The following TMTC1 variants were observed in gnomAD, a reference collection of about 807,000 sequenced individuals.
TMTC1 encodes transmembrane O-mannosyltransferase targeting cadherins 1.
In TMTC1, 73 loss-of-function variants were observed where a neutral mutation model predicts 104.8. The ratio of observed to expected loss-of-function variants is 0.70; its 90% CI spans 0.58 to 0.85. The LOEUF (loss-of-function observed/expected upper bound fraction) is 0.85, where lower values mean the gene tolerates loss of function less well. TMTC1 is among the 40% of genes least tolerant of loss of function. The pLI is 0.00. For synonymous variants in TMTC1, 434 were observed against 428.7 expected, an observed-to-expected ratio of 1.01 and a Z score of -0.15; for missense variants, 1,035 against 1,096.1, an observed-to-expected ratio of 0.94 and a Z score of 0.79.
chr12:29,746,778 GA>G (rs957261861), intron 5 of TMTC1, among the ~76,000 whole-genome samples: 1 of 152,068 alleles, frequency 6.6e-6, no homozygotes, highest in African/African-American at 2.4e-5. Context: ...GTATTTACAG[GA>G]AAAAACTTTT....
intron 7 of TMTC1, among the ~76,000 whole-genome samples, chr12:29,586,646 G>C (rs548706593): frequency 2.8e-3 from 429 of 151,234 alleles, no homozygotes; most frequent in Middle Eastern, 0.01. Context: ...TAGCATGAAG[G>C]GTTGTTGAAT....
rs148915671 is a variant in TMTC1 at position 29,515,075 on chromosome 12, A to C, written c.2308-471T>G. The stretch of plus-strand genomic sequence containing the variant: ...TCACTGGGAATTAGTGGCCCTGACA[A>C]AATAACTTTCTTACACTCCAGTTTT... On this transcript the variant is annotated intron_variant, in intron 15 of 17. Coordinates refer to ENST00000539277, the MANE Select transcript of TMTC1 (RefSeq NM_001193451.2). 2.5e-3 allele frequency among the ~76,000 whole-genome samples: 384 copies of C among 152,252 alleles called. 3 individuals carry two copies. Among genetic ancestry groups the C allele is most frequent in the African/African-American group, 8.9e-3 (368 of 41,536 alleles).
At chr12:29,580,556 CA>C (rs1359286990) in intron 8 of TMTC1, among the ~76,000 whole-genome samples, 10 of 152,088 alleles carry the variant, frequency 6.6e-5, no homozygotes, top group African/African-American at 2.4e-4. Flanking sequence ...AGAGAGGCCT[CA>C]GTGAGGCTAT....
rs113269036 is a variant in TMTC1, at chr12:29,517,579, T to G, written c.2025-8A>C. 3.6e-5 allele frequency: 58 copies of G among 1,614,094 alleles called. No individual in the cohort carries two copies. The African/African-American group carries it at 5.1e-4, about 14-fold the overall frequency. On this transcript the variant is annotated splice_polypyrimidine_tract_variant and splice_region_variant and intron_variant, in intron 13 of 17. Transcript: ENST00000539277. ...TGTGCCACCTGCAGGGCGCTGAGTT[T>G]GGAGAAAATCTAAATGACATTTCTC...
At chr12:29,649,858 G>A (rs191426415) in intron 5 of TMTC1, among the ~76,000 whole-genome samples, 2 of 152,084 alleles carry the variant, frequency 1.3e-5, no homozygotes, top group Non-Finnish European at 2.9e-5. Flanking sequence ...AAGGCTTAAC[G>A]TTTTCTAAGG....
chr12:29,660,268 A>G (rs1425012806), intron 5 of TMTC1, among the ~76,000 whole-genome samples: 2 of 152,238 alleles, frequency 1.3e-5, no homozygotes, highest in African/African-American at 4.8e-5. Context: ...AAGAACTAAC[A>G]GGGAGAGGCC....
intron 9 of TMTC1, among the ~76,000 whole-genome samples, chr12:29,562,517 A>C (rs1945402522): frequency 6.6e-6 from 1 of 152,194 alleles, no homozygotes. Flanking sequence ...TATTCCTTTA[A>C]ATAGAAATGG....
At chr12:29,507,158 CATTT>C (rs1943715912) in intron 17 of TMTC1, among the ~76,000 whole-genome samples, 172 bp from the exon 18 acceptor site, 1 of 152,098 alleles carries the variant, frequency 6.6e-6, no homozygotes, top group African/African-American at 2.4e-5. Context: ...TTGAAGACTC[CATTT>C]GTTTTAAGCA....
intron 1 of TMTC1, among the ~76,000 whole-genome samples, chr12:29,772,279 G>A (rs1943611459): frequency 6.6e-6 from 1 of 152,130 alleles, no homozygotes; most frequent in African/African-American, 2.4e-5. Context: ...GAGAGGACAA[G>A]GGCTCACAAT....
At chr12:29,667,102 A>T (rs1472525046) in intron 5 of TMTC1, among the ~76,000 whole-genome samples, 1 of 152,208 alleles carries the variant, frequency 6.6e-6, no homozygotes, top group Non-Finnish European at 1.5e-5. Context: ...AAACAACAAA[A>T]GAATTTTAAG....
rs560274927 is a variant in TMTC1 at position 29,732,235 on chromosome 12, A to C, written c.938+19431T>G. Among the ~76,000 whole-genome samples the C allele has an allele frequency of 1.8e-4, 27 of 152,364 alleles. No individual in the cohort carries two copies. In the East Asian group the frequency reaches 4.1e-3, roughly 23 times the overall value. ...GCGATACCAGACTAGACTGGTGCTC[A>C]GGAAAGAGTACTCAAAGGACTGACT... is the stretch of plus-strand genomic sequence containing the variant. On this transcript the variant is annotated intron_variant, in intron 5 of 17. Coordinates refer to ENST00000539277, the MANE Select transcript of TMTC1 (RefSeq NM_001193451.2).
At chr12:29,514,279 C>T (rs573322141) in intron 16 of TMTC1, among the ~76,000 whole-genome samples, 24 of 152,106 alleles carry the variant, frequency 1.6e-4, no homozygotes, top group Non-Finnish European at 2.9e-4. Flanking sequence ...AAAATAAATG[C>T]GCAACTCTGA....
chr12:29,653,605 T>G (rs1939623274), intron 5 of TMTC1, among the ~76,000 whole-genome samples: 1 of 135,352 alleles, frequency 7.4e-6, no homozygotes, highest in Non-Finnish European at 1.6e-5. Flanking sequence ...TTCAACTTCA[T>G]GCCACTAAAT....
chr12:29,728,632 C>T (rs1053574345), intron 5 of TMTC1, among the ~76,000 whole-genome samples: 2 of 152,058 alleles, frequency 1.3e-5, no homozygotes, highest in African/African-American at 4.8e-5. Flanking sequence ...TCAGACCTGC[C>T]TCATGACCGC....
At chr12:29,620,405 C>T (rs918309901) in intron 6 of TMTC1, among the ~76,000 whole-genome samples, 42 of 152,140 alleles carry the variant, frequency 2.8e-4, no homozygotes, top group Non-Finnish European at 1.8e-4. Flanking sequence ...GAGCTACCCC[C>T]AACACAGAGG....
At chr12:29,557,529 C>T (rs1441052866) in intron 9 of TMTC1, among the ~76,000 whole-genome samples, 2 of 152,264 alleles carry the variant, frequency 1.3e-5, no homozygotes, top group South Asian at 4.1e-4. Context: ...TGGCTCACTG[C>T]AACCCCCGCC....
intron 6 of TMTC1, among the ~76,000 whole-genome samples, chr12:29,608,386 C>A (rs951845929): frequency 3.3e-5 from 5 of 152,140 alleles, no homozygotes; most frequent in African/African-American, 1.2e-4. Context: ...TACACATGGT[C>A]ATTCATTTTT....
At chr12:29,541,533 A>AT (rs1434559126) in intron 10 of TMTC1, among the ~76,000 whole-genome samples, 1 of 152,116 alleles carries the variant, frequency 6.6e-6, no homozygotes, top group African/African-American at 2.4e-5. Flanking sequence ...AGAATGTGCC[A>AT]TTTTTGATAT....
intron 5 of TMTC1, among the ~76,000 whole-genome samples, chr12:29,694,128 C>G (rs936379167): frequency 6.6e-6 from 1 of 152,112 alleles, no homozygotes; most frequent in African/African-American, 2.4e-5. Context: ...ATCTCTCTCT[C>G]TCTACATACC....
Sources: allele counts gnomAD v4.1 joint callset (sites outside exome capture counted in the v4.1 genomes callset), GRCh38; gene constraint gnomAD v4.1.1; transcripts MANE v1.5; gene names NCBI Gene and HGNC (gene_info 2026-07-23, HGNC 2026-07-21).